Variants in SPTAN1 observed in about 807,000 individuals in gnomAD.
SPTAN1 encodes spectrin alpha, non-erythrocytic 1, also known as spectrin alpha chain, non-erythrocytic 1.
Under a neutral mutation model 331.3 loss-of-function variants are expected in SPTAN1, and 61 were observed. That is an observed-to-expected ratio of 0.18 (90% CI 0.15 to 0.23). The LOEUF (loss-of-function observed/expected upper bound fraction) is 0.23, where lower values mean the gene tolerates loss of function less well. Ranked by LOEUF, SPTAN1 falls within the 10% of genes least tolerant of loss-of-function variation. The probability of loss-of-function intolerance (pLI) is 1.00; values close to 1 mark genes in which losing one functional copy is unlikely to be tolerated. For synonymous variants in SPTAN1, 1,153 were observed against 1,173.9 expected, an observed-to-expected ratio of 0.98 and a Z score of 0.36; for missense variants, 2,043 against 3,147.9, an observed-to-expected ratio of 0.65 and a Z score of 8.40.
intron 53 of SPTAN1, 30 bp downstream of exon 53, chr9:128,632,353 G>T: frequency 3.7e-6 from 6 of 1,613,622 alleles, no homozygotes; most frequent in South Asian, 1.1e-5. Context: ...GCCAGGCTCA[G>T]CCCAGAGCAG....
chr9:128,611,925 C>T (rs1856615675), intron 38 of SPTAN1, 80 bp downstream of exon 38: 3 of 1,609,162 alleles, frequency 1.9e-6, no homozygotes, highest in Admixed American at 1.7e-5. Context: ...CTTGGACATA[C>T]AGTCTTAAGA....
rs567730112 is a variant in SPTAN1, at chr9:128,622,910, G to A, written c.5833-1418G>A. Reference sequence around the variant, plus strand: ...TGGGGTTACAGGCGCCTGCCACCACGCCCAGCTAATTTTTGTATTTTTATT... The same window carrying A: ...TGGGGTTACAGGCGCCTGCCACCACACCCAGCTAATTTTTGTATTTTTATT... On this transcript the variant is annotated intron_variant, in intron 45 of 56. Transcript: ENST00000372739. Among the ~76,000 whole-genome samples, 9 of 151,064 alleles carry A rather than the reference G, an allele frequency of 6.0e-5. No homozygotes were observed. The South Asian group carries it at 1.5e-3, about 25-fold the overall frequency.
intron 22 of SPTAN1, 50 bp from the exon 23 acceptor site, chr9:128,592,933 G>A (rs760242561): frequency 3.2e-6 from 5 of 1,556,210 alleles, no homozygotes; most frequent in Non-Finnish European, 4.4e-6. Context: ...CATCCCTGTG[G>A]ATTAACCCCA....
At chr9:128,609,404 T>C (rs1173010141) in intron 36 of SPTAN1, 120 bp downstream of exon 36, 3 of 1,478,504 alleles carry the variant, frequency 2.0e-6, no homozygotes, top group South Asian at 1.2e-5. Flanking sequence ...TGAGAAATAT[T>C]TCAGTAAGCC....
intron 1 of SPTAN1, among the ~76,000 whole-genome samples, chr9:128,560,906 C>T (rs1589127089): frequency 1.4e-5 from 2 of 147,764 alleles, no homozygotes; most frequent in South Asian, 2.1e-4. Context: ...ATCCCAGCTA[C>T]TGGGGAGGCT....
In SPTAN1 at chr9:128,595,173, G is replaced by T. The variant is rs1052375772; in HGVS notation, c.3414+800G>T. Among the ~76,000 whole-genome samples the T allele has an allele frequency of 5.9e-5, 9 of 151,868 alleles. No homozygotes were observed. In the East Asian group the frequency reaches 1.5e-3, roughly 26 times the overall value. ...CACCCAGGCTAGAGTACAGTGGCTC[G>T]ATCTCAGCTCACTGCAACTTCTGCC... On this transcript the variant is annotated intron_variant, in intron 24 of 56. Transcript: ENST00000372739.
chr9:128,605,311 G>A lies in SPTAN1; in HGVS notation c.3880G>A (p.Glu1294Lys). 1 of 1,614,186 alleles carries A rather than the reference G, an allele frequency of 6.2e-7. No homozygotes were observed. The highest frequency in any genetic ancestry group is 8.5e-7 in the Non-Finnish European group (1 of 1,180,038). Residue 1294 changes from glutamate (E) to lysine (K), a missense_variant, in exon 31 of 57, where the codon GAA becomes AAA. Transcript: ENST00000372739. The part of the protein sequence containing the change: ...ALGDKVNSLG[E>K]TAERLIQSHP... ...CTTCCCATAGGTAAACTCCCTTGGT[G>A]AAACAGCAGAGCGCCTGATCCAGTC...
chr9:128,618,031 C>T lies in SPTAN1; in HGVS notation c.5523C>T (p.Ile1841=), dbSNP rs79569204. The change falls in exon 43 of 57, where the codon ATC becomes ATT. Residue 1841 remains isoleucine (I), a synonymous_variant. Coordinates refer to ENST00000372739, the MANE Select transcript of SPTAN1 (RefSeq NM_001130438.3). The part of the protein sequence containing the change: ...TGKKLSDDNT[I]GKEEIQQRLA... ...AGAAGCTGTCCGATGACAACACCAT[C>T]GGGAAAGAGGAGATCCAGCAGCGGC... 7.1e-4 allele frequency: 1,146 copies of T among 1,614,044 alleles called. 19 individuals are homozygous for T. In the East Asian group the frequency reaches 0.023, roughly 32 times the overall value.
rs1288610900 is a variant in SPTAN1 at position 128,608,288 on chromosome 9, G to A, written c.4491+12G>A. On this transcript the variant is annotated intron_variant, in intron 34 of 56. Transcript: ENST00000372739. ...CGATTAACGTCCAGGTGAGGCCTCT[G>A]GACCATGGAGTTGGAGTCTGGATTT... 1 of 1,614,064 alleles carries A rather than the reference G, an allele frequency of 6.2e-7. No homozygotes were observed. Among genetic ancestry groups the A allele is most frequent in the Admixed American group, 1.7e-5 (1 of 60,018 alleles).
At position 128,600,070 on chromosome 9, in the gene SPTAN1, C is replaced by G. The variant is rs1854899556; in HGVS notation, c.3544-10C>G. The G allele has an allele frequency of 6.2e-7, 1 of 1,614,082 alleles. No homozygotes were observed. Among genetic ancestry groups the G allele is most frequent in the Non-Finnish European group, 8.5e-7 (1 of 1,180,026 alleles). On this transcript the variant is annotated splice_polypyrimidine_tract_variant and intron_variant, in intron 26 of 56. Coordinates refer to ENST00000372739, the MANE Select transcript of SPTAN1 (RefSeq NM_001130438.3). ...TGCTTGGCTGCCTAAATTCCTCTTT[C>G]TTTGAATAGGATGAAACTGATTCCA... is the stretch of plus-strand genomic sequence containing the variant.
intron 41 of SPTAN1, among the ~76,000 whole-genome samples, chr9:128,616,596 G>A (rs1033871152): frequency 4.1e-5 from 6 of 148,098 alleles, no homozygotes; most frequent in African/African-American, 7.4e-5. Flanking sequence ...GTGAAACCCC[G>A]TCTCTACTAA....
At position 128,552,875 on chromosome 9, in the gene SPTAN1, G is replaced by A. The variant is rs1447651947; in HGVS notation, c.-4+179G>A. The A allele has an allele frequency of 3.3e-5, 5 of 152,212 alleles. No homozygotes were observed. The highest frequency in any genetic ancestry group is 1.2e-4 in the African/African-American group (5 of 41,458). The allele number at this position is 152,212 out of a possible 1,614,324, so 9.4% of individuals were successfully genotyped here. On this transcript the variant is annotated intron_variant, in intron 1 of 56. Transcript: ENST00000372739. This position sits in a 1 kb window ranked among gnomAD's most constrained non-coding sequence, Gnocchi z 4.6. ...GGGAAGCCGCTGCCGCTGCTTTTGTGGCGCGTGGGCTGCGGAGGAGCAGCC... is the reference window on the plus strand; with the variant it reads ...GGGAAGCCGCTGCCGCTGCTTTTGTAGCGCGTGGGCTGCGGAGGAGCAGCC...
intron 21 of SPTAN1, among the ~76,000 whole-genome samples, chr9:128,589,769 G>T (rs1853217147): frequency 1.3e-5 from 2 of 150,116 alleles, no homozygotes; most frequent in African/African-American, 4.9e-5. Context: ...TAGAGACGGG[G>T]TTTCACCGTG....
chr9:128,629,768 T>G lies in SPTAN1; in HGVS notation c.6708-553T>G, dbSNP rs1859387648. On this transcript the variant is annotated intron_variant, in intron 51 of 56. Transcript: ENST00000372739. This position sits in a 1 kb window ranked among gnomAD's most constrained non-coding sequence, Gnocchi z 4.9. ...GGTTTAGTCACAGCCATCTCTCTCC[T>G]TTTGGCACAGTTGGTCGTGATCTCC... is the stretch of plus-strand genomic sequence containing the variant. The G allele has an allele frequency of 4.5e-6, 1 of 222,500 alleles. No homozygotes were observed. The highest frequency in any genetic ancestry group is 9.1e-6 in the Non-Finnish European group (1 of 109,670). The allele number at this position is 222,500 out of a possible 1,614,324, so 13.8% of individuals were successfully genotyped here.
chr9:128,598,587 G>T, intron 25 of SPTAN1, 83 bp downstream of exon 25: 1 of 1,175,132 alleles, frequency 8.5e-7, no homozygotes, highest in Non-Finnish European at 1.2e-6. Flanking sequence ...AGCCCAACAA[G>T]CAGTGTTTCA....
Position 128,577,094 on chromosome 9 carries a change from A to G in SPTAN1, c.786-35A>G. 1 of 1,614,126 alleles carries G rather than the reference A, an allele frequency of 6.2e-7. No individual in the cohort carries two copies. Among genetic ancestry groups the G allele is most frequent in the Non-Finnish European group, 8.5e-7 (1 of 1,180,032 alleles). The stretch of plus-strand genomic sequence containing the variant: ...GTGTTCCTAGTTCTAGGGAGTCATC[A>G]TTGCTGTGGATTAACTGGTGCCTTT... On this transcript the variant is annotated intron_variant, in intron 6 of 56. Transcript: ENST00000372739. The surrounding 1 kb of genome is among the most constrained non-coding windows in gnomAD (Gnocchi z 4.2).
At chr9:128,584,589 G>C in intron 17 of SPTAN1, 64 bp downstream of exon 17, 6 of 1,613,914 alleles carry the variant, frequency 3.7e-6, no homozygotes, top group Non-Finnish European at 5.1e-6. Context: ...AGCATAAAGG[G>C]GATGCATGTC....
chr9:128,576,107 G>A (rs1358323917), intron 5 of SPTAN1, among the ~76,000 whole-genome samples: 4 of 152,168 alleles, frequency 2.6e-5, no homozygotes, highest in Admixed American at 2.6e-4. Flanking sequence ...CTTTCCTGCG[G>A]TTGAGCTTGA....
intron 45 of SPTAN1, among the ~76,000 whole-genome samples, chr9:128,622,519 G>A (rs983984176): frequency 1.3e-5 from 2 of 151,188 alleles, no homozygotes; most frequent in Admixed American, 6.6e-5. Context: ...GGCTGGTCTC[G>A]AACTCCTGAC....
Sources: gnomAD v4.1 joint callset for allele counts (sites outside exome capture counted in the v4.1 genomes callset) on GRCh38, gnomAD v4.1.1 for gene constraint, Gnocchi (gnomAD v3.1) non-coding constraint, MANE v1.5 for transcripts, NCBI Gene and HGNC (gene_info 2026-07-23, HGNC 2026-07-21) for gene names.